Variants in UBA6 observed in about 807,000 individuals in gnomAD.
The protein encoded by UBA6 is ubiquitin-like modifier-activating enzyme 6.
UBA6 carries 87 observed loss-of-function variants against 148.3 expected under a neutral mutation model. The observed-to-expected ratio is 0.59, with a 90% CI of 0.49 to 0.70. The LOEUF is 0.70. Ranked by LOEUF, UBA6 falls within the 30% of genes least tolerant of loss-of-function variation. The pLI is 0.00. For missense variants in UBA6, 1,186 were observed against 1,241.2 expected, an observed-to-expected ratio of 0.96 and a Z score of 0.67; for synonymous variants, 376 against 401.0, an observed-to-expected ratio of 0.94 and a Z score of 0.75.
intron 2 of UBA6, among the ~76,000 whole-genome samples, chr4:67,694,952 C>G (rs1730797622): frequency 6.6e-6 from 1 of 152,192 alleles, no homozygotes; most frequent in African/African-American, 2.4e-5. Flanking sequence ...TGGCTTACCT[C>G]TAATAATAAC....
intron 2 of UBA6, among the ~76,000 whole-genome samples, chr4:67,683,259 T>C (rs1364754996): frequency 6.6e-6 from 1 of 152,216 alleles, no homozygotes; most frequent in Admixed American, 6.5e-5. Context: ...CCAGAAATAA[T>C]ATACTTAGGT....
At chr4:67,624,873 T>C in intron 29 of UBA6, 121 bp downstream of exon 29, 1 of 736,676 alleles carries the variant, frequency 1.4e-6, no homozygotes, top group Non-Finnish European at 2.1e-6. Flanking sequence ...TTTTAAATTA[T>C]GAGATCCAAT....
chr4:67,695,257 G>C (rs1457124294), intron 2 of UBA6, among the ~76,000 whole-genome samples: 4 of 151,966 alleles, frequency 2.6e-5, no homozygotes, highest in Non-Finnish European at 5.9e-5. Flanking sequence ...CTCCCTTTTT[G>C]CTTATTATCT....
At position 67,615,836 on chromosome 4, in the gene UBA6, A is replaced by G. The variant is rs1728613854; in HGVS notation, c.*3161T>C. The G allele has an allele frequency of 3.9e-6, 1 of 256,888 alleles. No homozygotes were observed. Among genetic ancestry groups the G allele is most frequent in the East Asian group, 6.4e-5 (1 of 15,638 alleles). 15.9% of individuals were successfully genotyped at this position (256,888 alleles called of 1,614,324 possible). The stretch of plus-strand genomic sequence containing the variant: ...ACACACATAGGTGGTAACACTATAA[A>G]AACAAAGAGACAATTATCATACAAG... On this transcript the variant is annotated 3_prime_UTR_variant, in exon 33 of 33. Coordinates refer to ENST00000322244, the MANE Select transcript of UBA6 (RefSeq NM_018227.6).
At chr4:67,634,789 C>A (rs1171866671) in intron 20 of UBA6, among the ~76,000 whole-genome samples, 2 of 151,868 alleles carry the variant, frequency 1.3e-5, no homozygotes, top group Non-Finnish European at 2.9e-5. Flanking sequence ...CATGACACAC[C>A]ATCATCTATA....
chr4:67,644,158 G>A (rs1252421570), intron 17 of UBA6, among the ~76,000 whole-genome samples: 1 of 152,060 alleles, frequency 6.6e-6, no homozygotes, highest in Non-Finnish European at 1.5e-5. Flanking sequence ...AAGGCAAACA[G>A]CACCAGTGAA....
Position 67,616,049 on chromosome 4 carries a change from T to A in UBA6, c.*2948A>T, listed in dbSNP as rs1728619732. On this transcript the variant is annotated 3_prime_UTR_variant, in exon 33 of 33. Coordinates refer to ENST00000322244, the MANE Select transcript of UBA6 (RefSeq NM_018227.6). ...TTATGTATTTTTGAATATATATGTG[T>A]TTTTGAAAAATATATATTTCTCAAT... 2.6e-6 allele frequency: 1 copy of A among 390,798 alleles called. No individual in the cohort carries two copies. Among genetic ancestry groups the A allele is most frequent in the Non-Finnish European group, 4.5e-6 (1 of 220,932 alleles). 24.2% of individuals were successfully genotyped at this position (390,798 alleles called of 1,614,324 possible).
At chr4:67,681,082 A>T (rs1156713863) in intron 4 of UBA6, among the ~76,000 whole-genome samples, 2 of 152,178 alleles carry the variant, frequency 1.3e-5, no homozygotes, top group African/African-American at 4.8e-5. Flanking sequence ...ATCCTGACTC[A>T]CAGAAACTAT....
Position 67,634,447 on chromosome 4 carries a change from T to C in UBA6, c.1914A>G (p.Ile638Met). The C allele has an allele frequency of 6.3e-7, 1 of 1,587,540 alleles. No homozygotes were observed. The highest frequency in any genetic ancestry group is 8.5e-7 in the Non-Finnish European group (1 of 1,173,182). ...KSFPAAIEHT[I>M]QWARDKFESS... ...CTTTTACCTTATCTCTTGCCCACTG[T>C]ATGGTATGTTCAATAGCAGCTGGAA... The change falls in exon 21 of 33, where the codon ATA becomes ATG. Residue 638 changes from isoleucine (I) to methionine (M), a missense_variant. By Grantham distance (10) the Ile-to-Met change is conservative. Coordinates refer to ENST00000322244, the MANE Select transcript of UBA6 (RefSeq NM_018227.6).
At chr4:67,672,122 T>C (rs1730163776) in intron 7 of UBA6, among the ~76,000 whole-genome samples, 1 of 152,210 alleles carries the variant, frequency 6.6e-6, no homozygotes, top group Non-Finnish European at 1.5e-5. Context: ...TAGCTGCCTC[T>C]ACTCTACTCT....
At chr4:67,667,744 G>C (rs1451717379) in intron 9 of UBA6, among the ~76,000 whole-genome samples, 1 of 152,002 alleles carries the variant, frequency 6.6e-6, no homozygotes, top group Non-Finnish European at 1.5e-5. Flanking sequence ...ACTTCAAATG[G>C]GCCCTATATG....
At chr4:67,669,575 T>C (rs904005428) in intron 8 of UBA6, among the ~76,000 whole-genome samples, 1 of 152,146 alleles carries the variant, frequency 6.6e-6, no homozygotes, top group African/African-American at 2.4e-5. Flanking sequence ...GGTAAAATAA[T>C]ATTAAAAGGG....
At chr4:67,664,811 G>A (rs1729950826) in intron 10 of UBA6, among the ~76,000 whole-genome samples, 2 of 151,928 alleles carry the variant, frequency 1.3e-5, no homozygotes, top group African/African-American at 4.8e-5. Context: ...TAATAATAAA[G>A]CAAAACAACT....
chr4:67,661,035 T>C (rs1484467204), intron 13 of UBA6, among the ~76,000 whole-genome samples: 4 of 152,200 alleles, frequency 2.6e-5, no homozygotes, highest in Non-Finnish European at 5.9e-5. Flanking sequence ...CCATTTGGAA[T>C]GGAAGCATTT....
Position 67,624,207 on chromosome 4 carries a change from G to C in UBA6, c.2759C>G (p.Ala920Gly). Reference protein sequence around the residue: ...IKVTGGYPFEAYKNCFLNLAI... With the variant: ...IKVTGGYPFEGYKNCFLNLAI... Reference sequence around the variant, plus strand: ...TAAGTTAAGAAAACAATTTTTGTAAGCTTCAAATGGATAGCCACCAGTTAC... The same window carrying C: ...TAAGTTAAGAAAACAATTTTTGTAACCTTCAAATGGATAGCCACCAGTTAC... The change falls in exon 30 of 33, where the codon GCT becomes GGT. Residue 920 changes from alanine (A) to glycine (G), a missense_variant. Physicochemically the swap from Ala to Gly is moderately conservative, Grantham distance 60. Transcript: ENST00000322244. 1.2e-6 allele frequency: 2 copies of C among 1,609,902 alleles called. No homozygotes were observed. Among genetic ancestry groups the C allele is most frequent in the East Asian group, 2.2e-5 (1 of 44,624 alleles).
chr4:67,623,785 ACAGGCC>A (rs1160176433), intron 30 of UBA6, among the ~76,000 whole-genome samples: 9 of 152,080 alleles, frequency 5.9e-5, no homozygotes, highest in African/African-American at 1.9e-4. Context: ...ACTAAAAAGT[ACAGGCC>A]CAGGAATTGT....
chr4:67,624,907 C>G, intron 29 of UBA6, 87 bp downstream of exon 29: 1 of 1,103,154 alleles, frequency 9.1e-7, no homozygotes, highest in Non-Finnish European at 1.3e-6. Flanking sequence ...TCTCTAACAT[C>G]TCTGAGTGAC....
intron 4 of UBA6, among the ~76,000 whole-genome samples, chr4:67,679,019 A>G (rs570927433): frequency 1.3e-5 from 2 of 152,142 alleles, no homozygotes; most frequent in Non-Finnish European, 2.9e-5. Flanking sequence ...AATGCCCACC[A>G]ATGGGGAACT....
At chr4:67,626,236 A>C in intron 28 of UBA6, 124 bp downstream of exon 28, 1 of 664,354 alleles carries the variant, frequency 1.5e-6, no homozygotes, top group South Asian at 1.7e-5. Flanking sequence ...TATGATCATG[A>C]AATCAATCAA....
Sources: gnomAD v4.1 joint callset for allele counts (sites outside exome capture counted in the v4.1 genomes callset) on GRCh38, gnomAD v4.1.1 for gene constraint, MANE v1.5 for transcripts, NCBI Gene and HGNC (gene_info 2026-07-23, HGNC 2026-07-21) for gene names.